Variants in CD99 observed in about 807,000 individuals in gnomAD.
CD99 encodes the protein CD99 antigen.
Under a neutral mutation model 28.4 loss-of-function variants are expected in CD99, and 19 were observed. The ratio of observed to expected loss-of-function variants is 0.67; its 90% CI spans 0.47 to 0.98. The LOEUF (loss-of-function observed/expected upper bound fraction) is 0.98. Ranked by LOEUF, CD99 falls within the 50% of genes least tolerant of loss-of-function variation. The probability of loss-of-function intolerance (pLI) is 0.00; values close to 1 mark genes in which losing one functional copy is unlikely to be tolerated. For missense variants in CD99, 283 were observed against 248.8 expected (o/e 1.14, Z -0.92); for synonymous variants, 103 against 92.1 (o/e 1.12, Z -0.67).
chrX:2,696,790 C>T (rs1324276800), intron 1 of CD99, among the ~76,000 whole-genome samples: 1 of 152,190 alleles, frequency 6.6e-6, no homozygotes, highest in Non-Finnish European at 1.5e-5. Flanking sequence ...AGGACTTCCT[C>T]TTCTTGAATT....
Position 2,691,430 on chromosome X carries a change from G to A in CD99, c.67+3G>A. On this transcript the variant is annotated splice_donor_region_variant and intron_variant, in intron 1 of 9. Coordinates refer to ENST00000381192, the MANE Select transcript of CD99 (RefSeq NM_002414.5). Reference sequence around the variant, plus strand: ...GGGTGTTCTGGTCGCCGCCCCGGGTGAGCGAGCGGAGGGATCCGGGTTGGG... The same window carrying A: ...GGGTGTTCTGGTCGCCGCCCCGGGTAAGCGAGCGGAGGGATCCGGGTTGGG... 6.3e-7 allele frequency: 1 copy of A among 1,582,268 alleles called. No homozygotes were observed. The highest frequency in any genetic ancestry group is 8.5e-7 in the Non-Finnish European group (1 of 1,173,186).
chrX:2,718,352 C>T (rs1473353300), intron 3 of CD99, among the ~76,000 whole-genome samples: 1 of 151,428 alleles, frequency 6.6e-6, no homozygotes, highest in African/African-American at 2.4e-5. Context: ...GTTCTCAGTG[C>T]TTGCTGTTCT....
chrX:2,692,315 G>A (rs1460210645), intron 1 of CD99: 1 of 227,620 alleles, frequency 4.4e-6, no homozygotes, highest in Non-Finnish European at 8.7e-6. Flanking sequence ...TAAGTAGACC[G>A]GCTTGCGGGC....
intron 1 of CD99, among the ~76,000 whole-genome samples, chrX:2,703,476 C>G (rs1001443455): frequency 6.6e-6 from 1 of 152,114 alleles, no homozygotes; most frequent in Non-Finnish European, 1.5e-5. Flanking sequence ...GGTTCATGAC[C>G]TCTGGGAACG....
rs753087037 is a variant in CD99 at position 2,726,060 on chromosome X, G to A, written c.362-200G>A. Among the ~76,000 whole-genome samples, 5 of 152,256 alleles carry A rather than the reference G, an allele frequency of 3.3e-5. No homozygotes were observed. The South Asian group carries it at 1.0e-3, about 32-fold the overall frequency. On this transcript the variant is annotated intron_variant, in intron 7 of 9. Transcript: ENST00000381192. ...CTGACCAGGTCTGCCCAGCACGTGC[G>A]ATGGGAGATTGTGCCTTGCTTTGCC...
At chrX:2,700,809 C>G (rs1336458659) in intron 1 of CD99, among the ~76,000 whole-genome samples, 2 of 151,958 alleles carry the variant, frequency 1.3e-5, no homozygotes, top group Non-Finnish European at 2.9e-5. Flanking sequence ...ATCCGTTCAC[C>G]CATTCATCTA....
At chrX:2,732,935 C>T (rs1025214015) in intron 8 of CD99, among the ~76,000 whole-genome samples, 1 of 146,208 alleles carries the variant, frequency 6.8e-6, no homozygotes, top group African/African-American at 2.5e-5. Context: ...TCCTCCTTCC[C>T]TCTCTCCTTC....
chrX:2,739,957 T>C (rs947916091), intron 9 of CD99, among the ~76,000 whole-genome samples: 3 of 147,806 alleles, frequency 2.0e-5, no homozygotes, highest in Non-Finnish European at 4.5e-5. Context: ...CCAGGCATCG[T>C]GGCGCATGCC....
At chrX:2,701,238 C>T (rs1023167477) in intron 1 of CD99, among the ~76,000 whole-genome samples, 11 of 151,572 alleles carry the variant, frequency 7.3e-5, no homozygotes, top group African/African-American at 2.4e-4. Context: ...CATCCACCCA[C>T]CCATTTACCC....
intron 8 of CD99, among the ~76,000 whole-genome samples, chrX:2,730,861 C>A (rs1603292350): frequency 6.8e-6 from 1 of 146,386 alleles, no homozygotes; most frequent in Admixed American, 7.0e-5. Context: ...ACCCGGGAGG[C>A]AGAGGTTGCA....
At chrX:2,719,615 G>T in intron 3 of CD99, 46 bp from the exon 4 acceptor site, 2 of 1,551,482 alleles carry the variant, frequency 1.3e-6, no homozygotes, top group Non-Finnish European at 8.9e-7. Flanking sequence ...TTCCTTCCTC[G>T]TTTCTCTCTG....
chrX:2,702,877 G>A (rs1027671890), intron 1 of CD99, among the ~76,000 whole-genome samples: 29 of 152,030 alleles, frequency 1.9e-4, no homozygotes, highest in African/African-American at 6.3e-4. Context: ...CGCCTCCTGT[G>A]TTCAAGTGAT....
At chrX:2,723,463 T>G (rs1321618497) in intron 7 of CD99, 99 bp downstream of exon 7, 37 of 1,376,298 alleles carry the variant, frequency 2.7e-5, no homozygotes, top group Non-Finnish European at 3.6e-5. Flanking sequence ...GGCATTGGCC[T>G]CCTAAAGCTA....
intron 7 of CD99, among the ~76,000 whole-genome samples, chrX:2,725,417 ATAAT>A (rs1484763969): frequency 5.3e-5 from 8 of 152,258 alleles, no homozygotes; most frequent in Non-Finnish European, 7.4e-5. Flanking sequence ...CACAATAATA[ATAAT>A]TAATTAAATA....
intron 9 of CD99, 52 bp from the exon 10 acceptor site, chrX:2,740,727 G>T: frequency 1.9e-6 from 3 of 1,598,716 alleles, no homozygotes; most frequent in South Asian, 2.2e-5. Flanking sequence ...CTGTGTCCAC[G>T]TGAGTGCTCA....
chrX:2,732,620 C>T (rs1382916899), intron 8 of CD99, among the ~76,000 whole-genome samples: 3 of 144,838 alleles, frequency 2.1e-5, no homozygotes, highest in African/African-American at 7.4e-5. Flanking sequence ...CCCTCCCTCC[C>T]TTCTTCTTTT....
At chrX:2,727,199 A>G in intron 8 of CD99, 3 of 728,600 alleles carry the variant, frequency 4.1e-6, no homozygotes, top group Non-Finnish European at 7.7e-6. Flanking sequence ...CCGAAAACCC[A>G]CAGGCACCCA....
At chrX:2,691,756 G>A (rs753078912) in intron 1 of CD99, 1 of 750,492 alleles carries the variant, frequency 1.3e-6, no homozygotes, top group East Asian at 2.5e-5. Context: ...CTTTGCATGA[G>A]CCCCTCACCC....
intron 1 of CD99, among the ~76,000 whole-genome samples, chrX:2,709,439 T>G (rs2048281840): frequency 6.6e-6 from 1 of 152,156 alleles, no homozygotes; most frequent in African/African-American, 2.4e-5. Context: ...AATGCACATA[T>G]ATATTCATGC....
Sources: gnomAD v4.1 joint callset for allele counts (sites outside exome capture counted in the v4.1 genomes callset) on GRCh38, gnomAD v4.1.1 for gene constraint, MANE v1.5 for transcripts, NCBI Gene and HGNC (gene_info 2026-07-23, HGNC 2026-07-21) for gene names.